Variants in OR9Q1 observed in about 807,000 individuals in gnomAD.
OR9Q1 encodes olfactory receptor family 9 subfamily Q member 1, also known as olfactory receptor 9Q1.
For missense variants in OR9Q1, 374 were observed against 378.8 expected (o/e 0.99, Z 0.11); for synonymous variants, 153 against 148.6 (o/e 1.03, Z -0.22).
At chr11:58,160,270 G>T (rs921819231) in intron 2 of OR9Q1, among the ~76,000 whole-genome samples, 1 of 152,112 alleles carries the variant, frequency 6.6e-6, no homozygotes, top group African/African-American at 2.4e-5. Flanking sequence ...TGAAATCCTG[G>T]ATCTGAGAAC....
intron 2 of OR9Q1, chr11:58,078,338 GC>G (rs1349968908): frequency 2.0e-5 from 3 of 152,222 alleles, no homozygotes; most frequent in Non-Finnish European, 4.4e-5. Context: ...TTTATTAGCG[GC>G]CATAGGAAAT....
intron 2 of OR9Q1, among the ~76,000 whole-genome samples, chr11:58,138,000 T>C (rs181570913): frequency 2.0e-5 from 3 of 152,310 alleles, no homozygotes; most frequent in African/African-American, 7.2e-5. Flanking sequence ...GCTGTCTTTT[T>C]ATATGAGGAT....
At chr11:58,054,998 A>C (rs11229237) in intron 1 of OR9Q1, among the ~76,000 whole-genome samples, 101,383 of 152,030 alleles carry the variant, frequency 0.67, 34,242 homozygotes, top group Middle Eastern at 0.79. Flanking sequence ...GAACTGGGCT[A>C]TGAAAATTCA....
chr11:58,161,549 GTT>G (rs567452505), intron 2 of OR9Q1, among the ~76,000 whole-genome samples: 5 of 145,902 alleles, frequency 3.4e-5, no homozygotes, highest in Non-Finnish European at 6.0e-5. Context: ...GGCTTATTCT[GTT>G]TTTTTTTTTT....
At chr11:58,116,050 A>T (rs776001643) in intron 2 of OR9Q1, among the ~76,000 whole-genome samples, 1 of 152,218 alleles carries the variant, frequency 6.6e-6, no homozygotes. Flanking sequence ...CTTTAATAAG[A>T]TGAATGTTTC....
At chr11:58,102,413 T>G (rs1381959571) in intron 2 of OR9Q1, among the ~76,000 whole-genome samples, 3 of 152,184 alleles carry the variant, frequency 2.0e-5, no homozygotes, top group Non-Finnish European at 4.4e-5. Context: ...TCCTTTCACT[T>G]CCAGATGTAG....
chr11:58,098,096 A>G (rs1590588473), intron 2 of OR9Q1, among the ~76,000 whole-genome samples: 1 of 152,314 alleles, frequency 6.6e-6, no homozygotes, highest in East Asian at 1.9e-4. Flanking sequence ...TAAAAAAACA[A>G]GTTGAACATT....
intron 2 of OR9Q1, among the ~76,000 whole-genome samples, chr11:58,129,682 G>T (rs1185589137): frequency 2.0e-5 from 3 of 151,970 alleles, no homozygotes; most frequent in Admixed American, 6.6e-5. Flanking sequence ...TTTCATGCAG[G>T]TCTCAGTGTA....
intron 1 of OR9Q1, chr11:58,031,990 G>T: frequency 1.4e-6 from 1 of 734,214 alleles, no homozygotes; most frequent in East Asian, 2.5e-5. Flanking sequence ...ACCAAATCAA[G>T]AATGCAGTTC....
intron 2 of OR9Q1, among the ~76,000 whole-genome samples, chr11:58,091,090 A>T (rs570257131): frequency 1.3e-5 from 2 of 151,998 alleles, no homozygotes; most frequent in Admixed American, 1.3e-4. Context: ...TTTAAAAAAA[A>T]CAAGCTCCAG....
At chr11:58,152,615 C>A (rs1854364335) in intron 2 of OR9Q1, among the ~76,000 whole-genome samples, 1 of 151,640 alleles carries the variant, frequency 6.6e-6, no homozygotes, top group South Asian at 2.1e-4. Context: ...GAAAATCAGT[C>A]CTTTGTCTGT....
At chr11:58,033,305 T>A (rs1037496173) in intron 1 of OR9Q1, among the ~76,000 whole-genome samples, 1 of 151,478 alleles carries the variant, frequency 6.6e-6, no homozygotes, top group Non-Finnish European at 1.5e-5. Flanking sequence ...CATGCACTTG[T>A]ATGTTCATCA....
At chr11:58,119,570 T>A in intron 2 of OR9Q1, 1 of 641,066 alleles carries the variant, frequency 1.6e-6, no homozygotes, top group Non-Finnish European at 2.6e-6. Flanking sequence ...TTGTAGAGTT[T>A]GTTTTTAAGA....
chr11:58,122,960 T>C (rs1179348459), intron 2 of OR9Q1, among the ~76,000 whole-genome samples: 1 of 139,592 alleles, frequency 7.2e-6, no homozygotes, highest in Admixed American at 7.0e-5. Flanking sequence ...GTGGTAAATT[T>C]TGTTTTTTTT....
At chr11:58,094,732 A>G (rs1853714638) in intron 2 of OR9Q1, among the ~76,000 whole-genome samples, 1 of 152,206 alleles carries the variant, frequency 6.6e-6, no homozygotes, top group East Asian at 1.9e-4. Context: ...TTCTTTTTGA[A>G]CACAAAAAAT....
At chr11:58,087,987 A>G (rs921756327) in intron 2 of OR9Q1, among the ~76,000 whole-genome samples, 3 of 151,778 alleles carry the variant, frequency 2.0e-5, no homozygotes, top group Non-Finnish European at 4.4e-5. Flanking sequence ...TCCTGGGTTC[A>G]TGCAATTCTT....
In OR9Q1 at chr11:58,087,980, T is replaced by C. The variant is rs1442917129; in HGVS notation, c.-15+32033T>C. ...CTCGTTCACTGCAACCTCTGCCTCC[T>C]GGGTTCATGCAATTCTTGTGCCTCA... On this transcript the variant is annotated intron_variant, in intron 2 of 2. Coordinates refer to ENST00000335397, the MANE Select transcript of OR9Q1 (RefSeq NM_001005212.4). Among the ~76,000 whole-genome samples the C allele has an allele frequency of 2.0e-5, 3 of 151,584 alleles. No homozygotes were observed. The East Asian group carries it at 5.8e-4, about 29-fold the overall frequency.
At chr11:58,034,211 G>A (rs1424024903) in intron 1 of OR9Q1, among the ~76,000 whole-genome samples, 2 of 149,664 alleles carry the variant, frequency 1.3e-5, no homozygotes, top group Admixed American at 6.7e-5. Flanking sequence ...TCAGTCTCCC[G>A]AGTAGCTAGG....
chr11:58,137,532 C>T (rs1854201080), intron 2 of OR9Q1, among the ~76,000 whole-genome samples: 3 of 152,172 alleles, frequency 2.0e-5, no homozygotes, highest in Admixed American at 2.0e-4. Flanking sequence ...TTACTTTCCT[C>T]CTTGCCCAAG....
Sources: gnomAD v4.1 joint callset for allele counts (sites outside exome capture counted in the v4.1 genomes callset) on GRCh38, gnomAD v4.1.1 for gene constraint, MANE v1.5 for transcripts, NCBI Gene and HGNC (gene_info 2026-07-23, HGNC 2026-07-21) for gene names.